Variants in CELF2 observed in about 807,000 individuals in gnomAD.
CELF2 encodes the protein CUGBP Elav-like family member 2.
Under a neutral mutation model 62.6 loss-of-function variants are expected in CELF2, and 8 were observed. The observed-to-expected ratio is 0.13, with a 90% CI of 0.07 to 0.23. CELF2 has a LOEUF of 0.23. CELF2 is among the 10% of genes least tolerant of loss of function. The pLI, the probability that CELF2 is intolerant of heterozygous loss-of-function variation, is 1.00. For synonymous variants in CELF2, 258 were observed against 250.0 expected (o/e 1.03, Z -0.30); for missense variants, 333 against 671.0 (o/e 0.50, Z 5.56).
intron 1 of CELF2, among the ~76,000 whole-genome samples, chr10:11,076,206 CT>C (rs2071875298): frequency 1.3e-5 from 2 of 152,126 alleles, no homozygotes; most frequent in Admixed American, 1.3e-4. Flanking sequence ...AGACGCCAAG[CT>C]TAAATCAGGC....
intron 1 of CELF2, among the ~76,000 whole-genome samples, chr10:10,868,918 G>T (rs2060551886): frequency 6.6e-6 from 1 of 152,140 alleles, no homozygotes; most frequent in Non-Finnish European, 1.5e-5. Flanking sequence ...TTCAATGGTA[G>T]GTATGTCCCC....
chr10:11,043,114 C>T (rs1398219068), intron 1 of CELF2, among the ~76,000 whole-genome samples: 1 of 152,210 alleles, frequency 6.6e-6, no homozygotes, highest in Non-Finnish European at 1.5e-5. Flanking sequence ...CACCATTTTA[C>T]CTTCCCACCA....
chr10:10,493,759 C>G, the CELF2 span, among the ~76,000 whole-genome samples: 10 of 152,062 alleles, frequency 6.6e-5, no homozygotes, highest in South Asian at 1.9e-3. Flanking sequence ...CTCAAACTCC[C>G]GACCTCAAGT....
chr10:10,792,607 AT>A, the CELF2 span: 1 of 393,170 alleles, frequency 2.5e-6, no homozygotes, highest in Non-Finnish European at 4.5e-6. Context: ...TGTAAGATCA[AT>A]GTTTCAGGTG....
the CELF2 span, among the ~76,000 whole-genome samples, chr10:10,528,604 C>T: frequency 6.6e-6 from 1 of 152,316 alleles, no homozygotes; most frequent in South Asian, 2.1e-4. Flanking sequence ...AACAGATCCC[C>T]AGCCCACACT....
In CELF2 at chr10:11,331,493, A is replaced by C. The variant is rs2096019846; in HGVS notation, c.*2440A>C. 1 of 152,298 alleles carries C rather than the reference A, an allele frequency of 6.6e-6. No individual in the cohort carries two copies. The highest frequency in any genetic ancestry group is 2.4e-5 in the African/African-American group (1 of 41,378). 9.4% of individuals were successfully genotyped at this position (152,298 alleles called of 1,614,324 possible). Reference sequence around the variant, plus strand: ...TTAAAGAAAAAAAGTGAAAATATATAGTGCCAAATTCCAAAGGTACTTCCT... The same window carrying C: ...TTAAAGAAAAAAAGTGAAAATATATCGTGCCAAATTCCAAAGGTACTTCCT... On this transcript the variant is annotated 3_prime_UTR_variant, in exon 13 of 13. Transcript: ENST00000633077.
chr10:10,525,490 T>C, the CELF2 span, among the ~76,000 whole-genome samples: 8 of 152,214 alleles, frequency 5.3e-5, no homozygotes, highest in Admixed American at 2.6e-4. Flanking sequence ...ACCAACATCT[T>C]TCTAATTCCC....
chr10:11,019,377 C>A (rs1446750624), intron 1 of CELF2, among the ~76,000 whole-genome samples: 2 of 152,154 alleles, frequency 1.3e-5, no homozygotes, highest in Non-Finnish European at 2.9e-5. Flanking sequence ...GTTTCCTGTT[C>A]TACCCACTGT....
At chr10:10,979,776 C>T (rs2051843741) in intron 2 of CELF2, among the ~76,000 whole-genome samples, 1 of 151,570 alleles carries the variant, frequency 6.6e-6, no homozygotes, top group Admixed American at 6.6e-5. Context: ...CCCGTAAGAG[C>T]AGACCTCAGT....
chr10:11,302,239 T>A lies in CELF2; in HGVS notation c.977-11900T>A, dbSNP rs1381227904. 6.6e-6 allele frequency among the ~76,000 whole-genome samples: 1 copy of A among 152,198 alleles called. No homozygotes were observed. Among genetic ancestry groups the A allele is most frequent in the Non-Finnish European group, 1.5e-5 (1 of 68,034 alleles). On this transcript the variant is annotated intron_variant, in intron 9 of 12. Coordinates refer to ENST00000633077, the MANE Select transcript of CELF2 (RefSeq NM_001326342.2). This position sits in a 1 kb window ranked among gnomAD's most constrained non-coding sequence, Gnocchi z 5.0. ...CTCCCTGCAGCCTCTCACCTTCTCATGCCTCAGAATCAAGTTTTCACCCAG... is the reference window on the plus strand; with the variant it reads ...CTCCCTGCAGCCTCTCACCTTCTCAAGCCTCAGAATCAAGTTTTCACCCAG...
the CELF2 span, among the ~76,000 whole-genome samples, chr10:10,696,321 C>A: frequency 1.3e-5 from 2 of 151,824 alleles, no homozygotes; most frequent in Non-Finnish European, 2.9e-5. Context: ...GCTCAGGGGT[C>A]AGGGGTCAGG....
chr10:11,325,174 C>A (rs2095656877), intron 11 of CELF2, among the ~76,000 whole-genome samples: 1 of 152,174 alleles, frequency 6.6e-6, no homozygotes, highest in Non-Finnish European at 1.5e-5. Context: ...TCGGTCTTTG[C>A]CCAGCTTCTA....
the CELF2 span, among the ~76,000 whole-genome samples, chr10:10,691,449 T>C: frequency 6.7e-6 from 1 of 148,350 alleles, no homozygotes; most frequent in African/African-American, 2.5e-5. Context: ...CTATTGTGAA[T>C]AATGCCACAA....
At chr10:11,100,305 TG>T (rs1425668446) in intron 1 of CELF2, among the ~76,000 whole-genome samples, 2 of 152,070 alleles carry the variant, frequency 1.3e-5, no homozygotes, top group Non-Finnish European at 2.9e-5. Context: ...CAGCTAAGGG[TG>T]ATGCTAATTG....
chr10:10,837,966 A>G (rs1473159223), intron 1 of CELF2, among the ~76,000 whole-genome samples: 4 of 152,246 alleles, frequency 2.6e-5, no homozygotes, highest in Non-Finnish European at 4.4e-5. Flanking sequence ...CAGTATTGAT[A>G]CATGATTAAT....
chr10:10,562,336 G>A, the CELF2 span, among the ~76,000 whole-genome samples: 2 of 152,176 alleles, frequency 1.3e-5, no homozygotes, highest in African/African-American at 4.8e-5. Context: ...CAAAGGGATA[G>A]TTATGCACAA....
intron 1 of CELF2, among the ~76,000 whole-genome samples, chr10:11,049,682 A>G (rs111760946): frequency 2.0e-5 from 3 of 152,178 alleles, no homozygotes; most frequent in African/African-American, 4.8e-5. Context: ...TGGACTAGAA[A>G]GGGCCATAGA....
intron 5 of CELF2, among the ~76,000 whole-genome samples, chr10:11,264,645 T>C (rs935681693): frequency 2.0e-5 from 3 of 152,206 alleles, no homozygotes; most frequent in African/African-American, 7.2e-5. Context: ...TGGAAACAGA[T>C]GGTAAATTTG....
At position 11,246,419 on chromosome 10, in the gene CELF2, C is replaced by T. The variant is rs2075630234; in HGVS notation, c.355-2734C>T. ...TGAGCTTCCTGTTGAACTCCCTTTG[C>T]AGGTGACCTCAAAATAGAAGAAGCC... is the stretch of plus-strand genomic sequence containing the variant. On this transcript the variant is annotated intron_variant, in intron 3 of 12. Transcript: ENST00000633077. The surrounding 1 kb of genome is among the most constrained non-coding windows in gnomAD (Gnocchi z 4.6). 2.0e-5 allele frequency among the ~76,000 whole-genome samples: 3 copies of T among 152,150 alleles called. No individual in the cohort carries two copies. Among genetic ancestry groups the T allele is most frequent in the African/African-American group, 7.2e-5 (3 of 41,424 alleles).
Sources: allele counts gnomAD v4.1 joint callset (sites outside exome capture counted in the v4.1 genomes callset), GRCh38; gene constraint gnomAD v4.1.1; non-coding constraint Gnocchi (gnomAD v3.1); transcripts MANE v1.5; gene names NCBI Gene and HGNC (gene_info 2026-07-23, HGNC 2026-07-21).